The following ZPBP variants were observed in gnomAD, a reference collection of about 807,000 sequenced individuals.
The protein encoded by ZPBP is zona pellucida binding protein.
A neutral mutation model predicts 44.8 loss-of-function variants in ZPBP; 26 were observed. The ratio of observed to expected loss-of-function variants is 0.58; its 90% CI spans 0.43 to 0.81. The LOEUF is 0.81. Among genes scored for constraint, ZPBP ranks in the 30% least tolerant of loss-of-function variants. The pLI is 0.00. For synonymous variants in ZPBP, 174 were observed against 153.2 expected, an observed-to-expected ratio of 1.14 and a Z score of -1.00; for missense variants, 409 against 434.0, an observed-to-expected ratio of 0.94 and a Z score of 0.51.
At chr7:49,944,852 A>AATTTCG (rs397692140) in intron 7 of ZPBP, among the ~76,000 whole-genome samples, 1 of 143,684 alleles carries the variant, frequency 7.0e-6, no homozygotes, top group Non-Finnish European at 1.5e-5. Context: ...TTTTTATTTC[A>AATTTCG]TTTATTTCTG....
intron 4 of ZPBP, among the ~76,000 whole-genome samples, chr7:50,043,374 G>A (rs1800189658): frequency 6.6e-6 from 1 of 152,000 alleles, no homozygotes; most frequent in Non-Finnish European, 1.5e-5. Flanking sequence ...CACTGGGTTA[G>A]GGTCTCCATG....
intron 5 of ZPBP, among the ~76,000 whole-genome samples, chr7:50,027,076 C>A (rs1799371195): frequency 6.6e-6 from 1 of 151,954 alleles, no homozygotes; most frequent in South Asian, 2.1e-4. Context: ...GCTCAACCCC[C>A]CCTCATAAAT....
At chr7:49,851,808 C>G (rs1166999529) in intron 2 of ZPBP, among the ~76,000 whole-genome samples, 1 of 151,834 alleles carries the variant, frequency 6.6e-6, no homozygotes, top group Non-Finnish European at 1.5e-5. Context: ...CAGAGCCGAG[C>G]TTGCGCCATT....
intron 1 of ZPBP, among the ~76,000 whole-genome samples, chr7:49,910,605 T>TA (rs11331851): frequency 6.6e-6 from 1 of 151,882 alleles, no homozygotes; most frequent in Non-Finnish European, 1.5e-5. Flanking sequence ...ATTAATCTTT[T>TA]AAAAAAAAAT....
intron 7 of ZPBP, among the ~76,000 whole-genome samples, chr7:49,981,355 T>TA (rs1486344071): frequency 3.1e-4 from 5 of 16,388 alleles, no homozygotes; most frequent in Admixed American, 9.8e-4. Flanking sequence ...ATATAATATA[T>TA]ATTATATATA....
intron 7 of ZPBP, among the ~76,000 whole-genome samples, chr7:49,947,065 G>T (rs1227441105): frequency 6.6e-6 from 1 of 151,864 alleles, no homozygotes; most frequent in East Asian, 1.9e-4. Context: ...CAATTTCTTT[G>T]TTAAATTTAT....
chr7:49,904,081 C>T (rs1366780229), intron 1 of ZPBP, among the ~76,000 whole-genome samples: 2 of 152,146 alleles, frequency 1.3e-5, no homozygotes, highest in East Asian at 3.9e-4. Context: ...ATACACATGG[C>T]TGGCAGAGAA....
At chr7:49,844,154 T>C in the ZPBP span, among the ~76,000 whole-genome samples, 8 of 152,156 alleles carry the variant, frequency 5.3e-5, no homozygotes, top group African/African-American at 1.7e-4. Context: ...GACCGCAACG[T>C]GGAAAGGTCT....
chr7:50,043,975 C>T (rs570456211), intron 4 of ZPBP, among the ~76,000 whole-genome samples: 15 of 152,258 alleles, frequency 9.9e-5, no homozygotes, highest in Admixed American at 9.8e-4. Context: ...TCTCAGACCA[C>T]AGTGCAATAA....
chr7:50,080,298 A>G (rs1175973020), intron 3 of ZPBP, among the ~76,000 whole-genome samples: 2 of 151,746 alleles, frequency 1.3e-5, no homozygotes, highest in Non-Finnish European at 3.0e-5. Context: ...ATATAATCAT[A>G]AAGTTAAAAT....
downstream of ZPBP, among the ~76,000 whole-genome samples, chr7:49,846,777 G>GC (rs1161548329): frequency 6.6e-6 from 1 of 152,190 alleles, no homozygotes; most frequent in Non-Finnish European, 1.5e-5. Context: ...ATATAGGAAT[G>GC]CATACATTTT....
chr7:50,090,617 ATATATGTG>A (rs1392881258), intron 1 of ZPBP, among the ~76,000 whole-genome samples: 13 of 150,776 alleles, frequency 8.6e-5, no homozygotes, highest in African/African-American at 1.7e-4. Flanking sequence ...ATATATGTGT[ATATATGTG>A]TATATATATA....
intron 4 of ZPBP, among the ~76,000 whole-genome samples, chr7:50,046,188 A>G (rs1800348073): frequency 6.6e-6 from 1 of 152,226 alleles, no homozygotes; most frequent in Non-Finnish European, 1.5e-5. Context: ...TAAAACCATA[A>G]AAATCCTAGA....
intron 2 of ZPBP, among the ~76,000 whole-genome samples, chr7:49,890,928 A>AG (rs1259757147): frequency 7.9e-5 from 12 of 152,152 alleles, no homozygotes; most frequent in Non-Finnish European, 8.8e-5. Flanking sequence ...AGGCATAAAA[A>AG]AAAGGTCCTT....
chr7:50,068,430 G>GTTTT (rs113489056), intron 3 of ZPBP, among the ~76,000 whole-genome samples: 1 of 139,842 alleles, frequency 7.2e-6, no homozygotes, highest in Admixed American at 7.2e-5. Flanking sequence ...CTTGGCCAGT[G>GTTTT]TTTTTTTTTT....
intron 1 of ZPBP, among the ~76,000 whole-genome samples, chr7:49,902,134 A>G (rs938355934): frequency 6.6e-6 from 1 of 152,024 alleles, no homozygotes; most frequent in Non-Finnish European, 1.5e-5. Context: ...TTGGTGATGA[A>G]TTTTTAGATA....
At chr7:49,919,462 G>C (rs1793905156) in intron 1 of ZPBP, 1 of 152,126 alleles carries the variant, frequency 6.6e-6, no homozygotes, top group East Asian at 1.9e-4. Flanking sequence ...ATAAAATTAT[G>C]AAGTTACCAT....
At chr7:49,962,977 G>T (rs1330122557) in intron 7 of ZPBP, among the ~76,000 whole-genome samples, 7 of 151,152 alleles carry the variant, frequency 4.6e-5, no homozygotes, top group African/African-American at 1.7e-4. Context: ...CACATAGAGA[G>T]ACCTGTTTCC....
intron 1 of ZPBP, chr7:49,918,878 GT>G (rs1793863949): frequency 1.3e-5 from 2 of 152,098 alleles, no homozygotes; most frequent in South Asian, 4.2e-4. Flanking sequence ...TGACCAACAT[GT>G]GAAACCCCAT....
Sources: allele counts gnomAD v4.1 joint callset (sites outside exome capture counted in the v4.1 genomes callset), GRCh38; gene constraint gnomAD v4.1.1; transcripts MANE v1.5; gene names NCBI Gene and HGNC (gene_info 2026-07-23, HGNC 2026-07-21).